CCSER1: variants seen among roughly 807,000 people sequenced by gnomAD.
The protein encoded by CCSER1 is coiled-coil serine rich protein 1.
Under a neutral mutation model 82.0 loss-of-function variants are expected in CCSER1, and 41 were observed. That is an observed-to-expected ratio of 0.50 (90% CI 0.39 to 0.65). CCSER1 has a LOEUF of 0.65. Among genes scored for constraint, CCSER1 ranks in the 30% least tolerant of loss-of-function variants. The pLI, the probability that CCSER1 is intolerant of heterozygous loss-of-function variation, is 0.00. For missense variants in CCSER1, 1,119 were observed against 1,064.2 expected (o/e 1.05, Z -0.72); for synonymous variants, 414 against 383.9 (o/e 1.08, Z -0.92).
At chr4:90,767,302 A>C (rs1751394856) in intron 7 of CCSER1, among the ~76,000 whole-genome samples, 1 of 145,152 alleles carries the variant, frequency 6.9e-6, no homozygotes, top group Admixed American at 6.9e-5. Context: ...GCAAATGTAG[A>C]GCAATTTTTT....
intron 4 of CCSER1, among the ~76,000 whole-genome samples, chr4:90,417,415 TG>T (rs1755976860): frequency 6.6e-6 from 1 of 152,058 alleles, no homozygotes; most frequent in Non-Finnish European, 1.5e-5. Context: ...AGAGAAATTA[TG>T]GCTGTTACTT....
At chr4:91,144,517 G>A (rs897976329) in intron 10 of CCSER1, among the ~76,000 whole-genome samples, 5 of 151,464 alleles carry the variant, frequency 3.3e-5, no homozygotes, top group Non-Finnish European at 7.4e-5. Flanking sequence ...GGGCTAGTTT[G>A]TTGTCATTTT....
intron 10 of CCSER1, among the ~76,000 whole-genome samples, chr4:91,123,885 T>C (rs577579266): frequency 6.6e-6 from 1 of 151,964 alleles, no homozygotes; most frequent in Non-Finnish European, 1.5e-5. Context: ...AGTGTCATCC[T>C]AATTTAATTA....
In CCSER1 at chr4:90,300,088, G is replaced by T. The variant is rs536870653; in HGVS notation, c.-41-8156G>T. ...GAATGTTTTTCTGAGAAAGAATCTTGCTGGGACCAGATTTAACTTATGCAG... is the reference window on the plus strand; with the variant it reads ...GAATGTTTTTCTGAGAAAGAATCTTTCTGGGACCAGATTTAACTTATGCAG... On this transcript the variant is annotated intron_variant, in intron 1 of 10. Transcript: ENST00000509176. Among the ~76,000 whole-genome samples the T allele has an allele frequency of 2.6e-5, 4 of 152,166 alleles. No individual in the cohort carries two copies. In the South Asian group the frequency reaches 8.3e-4, roughly 32 times the overall value.
chr4:91,104,692 G>C (rs1328097271), intron 10 of CCSER1, among the ~76,000 whole-genome samples: 1 of 152,080 alleles, frequency 6.6e-6, no homozygotes, highest in Admixed American at 6.5e-5. Context: ...CACAGTTCTG[G>C]AGGCTAGAAA....
At chr4:90,880,241 C>T (rs944502371) in intron 8 of CCSER1, among the ~76,000 whole-genome samples, 5 of 152,136 alleles carry the variant, frequency 3.3e-5, no homozygotes, top group Non-Finnish European at 5.9e-5. Flanking sequence ...TATGTTTCTT[C>T]CCCAACCTGG....
At chr4:90,352,062 C>T (rs558305941) in intron 3 of CCSER1, among the ~76,000 whole-genome samples, 3 of 152,302 alleles carry the variant, frequency 2.0e-5, no homozygotes, top group Non-Finnish European at 2.9e-5. Context: ...CAGCGGCTCA[C>T]GCCTGTAATC....
intron 6 of CCSER1, among the ~76,000 whole-genome samples, chr4:90,654,459 A>G (rs1450417000): frequency 1.3e-5 from 2 of 152,106 alleles, no homozygotes; most frequent in African/African-American, 4.8e-5. Flanking sequence ...TTTCTTATAT[A>G]TGCAACATAT....
At chr4:90,810,632 C>T (rs952743557) in intron 7 of CCSER1, among the ~76,000 whole-genome samples, 68 of 147,334 alleles carry the variant, frequency 4.6e-4, no homozygotes, top group African/African-American at 1.3e-3. Flanking sequence ...GCAACAAGAG[C>T]GAGACTCCCT....
intron 1 of CCSER1, among the ~76,000 whole-genome samples, chr4:90,214,292 T>C (rs186946242): frequency 5.9e-4 from 90 of 152,256 alleles, no homozygotes; most frequent in Admixed American, 2.8e-3. Flanking sequence ...CTTTTCAAAA[T>C]GCTTCTATGT....
rs142784918 is a variant in CCSER1 at position 91,033,059 on chromosome 4, CA to C, written c.2173-52881del. On this transcript the variant is annotated intron_variant, in intron 9 of 10. Transcript: ENST00000509176. ...ATAGGAGAAAATACATACAAATAAA[CA>C]AAAAAAAAACTTTAATTAAGTAAAT... Among the ~76,000 whole-genome samples the C allele has an allele frequency of 3.6e-3, 540 of 149,042 alleles. 4 individuals are homozygous for C. The highest frequency in any genetic ancestry group is 0.012 in the African/African-American group (506 of 40,744).
chr4:91,189,768 G>A (rs897486818), intron 10 of CCSER1, among the ~76,000 whole-genome samples: 36 of 151,452 alleles, frequency 2.4e-4, no homozygotes, highest in African/African-American at 8.2e-4. Context: ...ACCATTTATA[G>A]GTATATGGAT....
intron 10 of CCSER1, among the ~76,000 whole-genome samples, chr4:91,587,175 A>T (rs1273187368): frequency 2.0e-5 from 3 of 151,698 alleles, no homozygotes; most frequent in Non-Finnish European, 3.0e-5. Context: ...TTTGGTACCT[A>T]TGTTAGTATC....
At chr4:90,244,073 G>A (rs1019388070) in intron 1 of CCSER1, among the ~76,000 whole-genome samples, 4 of 151,998 alleles carry the variant, frequency 2.6e-5, no homozygotes, top group Admixed American at 2.0e-4. Flanking sequence ...GTATTTTGAG[G>A]ATTATTTATC....
At chr4:91,176,036 A>C (rs1278416398) in intron 10 of CCSER1, among the ~76,000 whole-genome samples, 3 of 152,192 alleles carry the variant, frequency 2.0e-5, no homozygotes, top group African/African-American at 4.8e-5. Flanking sequence ...TCAGCTTTCT[A>C]CATATGGCTA....
chr4:90,169,434 T>C (rs935201971), intron 1 of CCSER1, among the ~76,000 whole-genome samples: 1 of 152,138 alleles, frequency 6.6e-6, no homozygotes, highest in Admixed American at 6.6e-5. Context: ...AGGGACAATT[T>C]GACTTCCTCT....
intron 6 of CCSER1, among the ~76,000 whole-genome samples, chr4:90,702,549 A>G (rs1229727995): frequency 1.3e-5 from 2 of 152,200 alleles, no homozygotes; most frequent in Non-Finnish European, 2.9e-5. Flanking sequence ...AAGGAATGGT[A>G]CCAGCTCCTC....
chr4:91,106,518 ACT>A (rs1561553765), intron 10 of CCSER1, among the ~76,000 whole-genome samples: 1 of 151,744 alleles, frequency 6.6e-6, no homozygotes, highest in Non-Finnish European at 1.5e-5. Flanking sequence ...CTCTTTTTCT[ACT>A]CTTTCCCATG....
chr4:91,218,264 A>T (rs1019388601), intron 10 of CCSER1, among the ~76,000 whole-genome samples: 1 of 152,054 alleles, frequency 6.6e-6, no homozygotes, highest in Non-Finnish European at 1.5e-5. Context: ...CTGCTCCGAG[A>T]GCGGGGCCCA....
Sources: gnomAD v4.1 joint callset for allele counts (sites outside exome capture counted in the v4.1 genomes callset) on GRCh38, gnomAD v4.1.1 for gene constraint, MANE v1.5 for transcripts, NCBI Gene and HGNC (gene_info 2026-07-23, HGNC 2026-07-21) for gene names.